The following GBF1 variants were observed in gnomAD, a reference collection of about 807,000 sequenced individuals.
The protein encoded by GBF1 is Golgi-specific brefeldin A-resistance guanine nucleotide exchange factor 1.
Under a neutral mutation model 210.5 loss-of-function variants are expected in GBF1, and 114 were observed. The observed-to-expected ratio is 0.54, with a 90% CI of 0.47 to 0.63. GBF1 has a LOEUF of 0.63. GBF1 is among the 30% of genes least tolerant of loss of function. GBF1 has a pLI of 0.00. For synonymous variants in GBF1, 850 were observed against 889.2 expected, an observed-to-expected ratio of 0.96 and a Z score of 0.78; for missense variants, 1,851 against 2,357.7, an observed-to-expected ratio of 0.79 and a Z score of 4.45.
the GBF1 span, among the ~76,000 whole-genome samples, chr10:102,233,623 G>T: frequency 2.6e-5 from 4 of 152,038 alleles, no homozygotes; most frequent in South Asian, 4.2e-4. Flanking sequence ...TATTATTTCT[G>T]AAGAGATTTC....
In GBF1 at chr10:102,379,889, A is replaced by C. The variant is rs762351281; in HGVS notation, c.4813A>C (p.Ile1605Leu). Residue 1605 changes from isoleucine to leucine, a missense_variant, in exon 36 of 40, where the codon ATC (isoleucine) becomes CTC (leucine). This residue lies in a region of GBF1 where 967 missense variants were observed against 1,247.7 expected (regional missense o/e 0.78). Transcript: ENST00000369983. ...TCTACTTACCAAGCTCTTGGAGAAC[A>C]TCAGCCCTGCAGATGTGGGTGGGAT... The part of the protein sequence containing the change: ...FPLLTKLLEN[I>L]SPADVGGMEE... The C allele has an allele frequency of 3.7e-6, 6 of 1,613,904 alleles. No individual in the cohort carries two copies. The highest frequency in any genetic ancestry group is 1.7e-5 in the Admixed American group (1 of 60,012).
At chr10:102,321,714 T>C (rs557718579) in intron 3 of GBF1, among the ~76,000 whole-genome samples, 7 of 149,518 alleles carry the variant, frequency 4.7e-5, no homozygotes, top group African/African-American at 1.7e-4. Context: ...GGACCACAGG[T>C]GTGTGCCACC....
chr10:102,288,721 G>C (rs368868153), intron 3 of GBF1, among the ~76,000 whole-genome samples: 2 of 80,058 alleles, frequency 2.5e-5, no homozygotes, highest in South Asian at 1.2e-3. Context: ...CCGTCTCAAA[G>C]GAAAAAAAAA....
intron 3 of GBF1, among the ~76,000 whole-genome samples, chr10:102,265,006 G>T (rs1052983222): frequency 1.2e-4 from 19 of 152,166 alleles, no homozygotes; most frequent in African/African-American, 4.6e-4. Flanking sequence ...CTTCAGTCTC[G>T]CAGCTAGACC....
Position 102,376,676 on chromosome 10 carries a change from G to A in GBF1, c.4164G>A (p.Lys1388=), listed in dbSNP as rs748325253. Reference sequence around the variant, plus strand: ...TGGATTTGGGGCCACACGACACTAAGTCTCTGCTTAAGTGTGTGGAATCGC... The same window carrying A: ...TGGATTTGGGGCCACACGACACTAAATCTCTGCTTAAGTGTGTGGAATCGC... ...VGLDLGPHDT[K]SLLKCVESLS... The change falls in exon 32 of 40, where the codon AAG becomes AAA. Residue 1388 remains lysine, a synonymous_variant. Coordinates refer to ENST00000369983, the MANE Select transcript of GBF1 (RefSeq NM_001377137.1). The A allele has an allele frequency of 1.2e-6, 2 of 1,613,962 alleles. No homozygotes were observed. The highest frequency in any genetic ancestry group is 1.1e-5 in the South Asian group (1 of 91,076).
At chr10:102,306,571 C>A (rs1194401580) in intron 3 of GBF1, among the ~76,000 whole-genome samples, 1 of 152,144 alleles carries the variant, frequency 6.6e-6, no homozygotes, top group South Asian at 2.1e-4. Context: ...TTACAGGCGC[C>A]TGACACCAAG....
At chr10:102,365,329 G>A (rs779025613) in intron 17 of GBF1, 68 bp from the exon 18 acceptor site, 21 of 1,192,624 alleles carry the variant, frequency 1.8e-5, no homozygotes, top group Non-Finnish European at 2.6e-5. Flanking sequence ...GGCTATGGTG[G>A]ACTCCAGGCT....
At chr10:102,375,640 G>A in intron 30 of GBF1, 56 bp downstream of exon 30, 1 of 1,123,048 alleles carries the variant, frequency 8.9e-7, no homozygotes, top group Non-Finnish European at 1.3e-6. Flanking sequence ...CACCCCAGGA[G>A]TTGGGACAGG....
chr10:102,377,620 T>C (rs1274090882), intron 33 of GBF1, among the ~76,000 whole-genome samples: 1 of 152,196 alleles, frequency 6.6e-6, no homozygotes, highest in Non-Finnish European at 1.5e-5. Flanking sequence ...CTCAAAGTGC[T>C]AGGATTACAG....
intron 38 of GBF1, 67 bp downstream of exon 38, chr10:102,380,753 A>C: frequency 1.5e-6 from 2 of 1,327,474 alleles, no homozygotes; most frequent in Non-Finnish European, 2.1e-6. Flanking sequence ...CACACCTCTA[A>C]TCCCAGCACT....
chr10:102,352,710 C>T (rs1225194711), intron 7 of GBF1, among the ~76,000 whole-genome samples, 192 bp downstream of exon 7: 1 of 152,116 alleles, frequency 6.6e-6, no homozygotes, highest in Non-Finnish European at 1.5e-5. Flanking sequence ...GATTTGGCCT[C>T]ACGGGGAGGC....
intron 3 of GBF1, among the ~76,000 whole-genome samples, chr10:102,333,641 G>A (rs565416535): frequency 4.6e-5 from 7 of 152,072 alleles, no homozygotes; most frequent in African/African-American, 1.7e-4. Flanking sequence ...CGCCCAGGCT[G>A]GTCTCGAACT....
At chr10:102,351,802 G>A in intron 5 of GBF1, 41 bp from the exon 6 acceptor site, 1 of 1,176,164 alleles carries the variant, frequency 8.5e-7, no homozygotes, top group Non-Finnish European at 1.3e-6. Flanking sequence ...GTACCTCTCA[G>A]TACCTTGTTT....
rs1383512165 is a variant in GBF1 at position 102,355,890 on chromosome 10, A to G, written c.640-2149A>G. Among the ~76,000 whole-genome samples, 6 of 152,248 alleles carry G rather than the reference A, an allele frequency of 3.9e-5. No homozygotes were observed. The South Asian group carries it at 1.2e-3, about 32-fold the overall frequency. On this transcript the variant is annotated intron_variant, in intron 8 of 39. Transcript: ENST00000369983. ...GTTTGGCGGACTCTTCTCCCATAAC[A>G]TTTTTTACTATGAACTTGATCCAGT...
In GBF1 at chr10:102,379,396, G is replaced by C. The variant is rs779904047; in HGVS notation, c.4607G>C (p.Arg1536Pro). 6.2e-7 allele frequency: 1 copy of C among 1,614,070 alleles called. No homozygotes were observed. Among genetic ancestry groups the C allele is most frequent in the Admixed American group, 1.7e-5 (1 of 59,994 alleles). ...TGGQKIEADS[R>P]TLWAHCWCPL... ...GGCCAGAAGATTGAAGCTGATTCTC[G>C]CACCCTCTGGGCCCACTGCTGGTGC... Residue 1536 changes from arginine to proline, a missense_variant, in exon 34 of 40, where the codon CGC (arginine) becomes CCC (proline). By Grantham distance (103) the Arg-to-Pro change is moderately radical (BLOSUM62 -2). Transcript: ENST00000369983.
intron 3 of GBF1, among the ~76,000 whole-genome samples, chr10:102,335,457 G>T (rs1211184978): frequency 4.6e-5 from 7 of 152,224 alleles, no homozygotes; most frequent in Non-Finnish European, 1.0e-4. Context: ...TTCTCCTGAA[G>T]GACTCAGGCA....
chr10:102,247,467 A>T (rs1181783809), intron 1 of GBF1, among the ~76,000 whole-genome samples: 2 of 152,162 alleles, frequency 1.3e-5, no homozygotes, highest in African/African-American at 4.8e-5. Context: ...CTCAGGAGGT[A>T]CCCAGGTTTG....
chr10:102,334,848 CA>C (rs200899049), intron 3 of GBF1, among the ~76,000 whole-genome samples: 1,762 of 92,822 alleles, frequency 0.019, 24 homozygotes, highest in African/African-American at 0.058. Flanking sequence ...GACTTCGTCT[CA>C]AAAAAAAAAA....
At chr10:102,231,723 C>T in the GBF1 span, 1 of 1,610,532 alleles carries the variant, frequency 6.2e-7, no homozygotes, top group Non-Finnish European at 8.5e-7. Flanking sequence ...GCTGCCGCCG[C>T]TGCTTCTTTT....
Sources: gnomAD v4.1 joint callset for allele counts (sites outside exome capture counted in the v4.1 genomes callset) on GRCh38, gnomAD v4.1.1 for gene constraint, gnomAD v4.1.1 regional missense constraint, MANE v1.5 for transcripts, NCBI Gene and HGNC (gene_info 2026-07-23, HGNC 2026-07-21) for gene names.